Variants in PLCB1 observed in about 807,000 individuals in gnomAD.
PLCB1 encodes 1-phosphatidylinositol 4,5-bisphosphate phosphodiesterase beta-1.
PLCB1 carries 46 observed loss-of-function variants against 161.8 expected under a neutral mutation model. The observed-to-expected ratio is 0.28, with a 90% CI of 0.22 to 0.36. The LOEUF (loss-of-function observed/expected upper bound fraction) is 0.36. Among genes scored for constraint, PLCB1 ranks in the 10% least tolerant of loss-of-function variants. The pLI is 1.00. For missense variants in PLCB1, 1,016 were observed against 1,472.5 expected, an observed-to-expected ratio of 0.69 and a Z score of 5.07; for synonymous variants, 517 against 503.7, an observed-to-expected ratio of 1.03 and a Z score of -0.35.
At chr20:8,326,238 T>A (rs1229223757) in intron 2 of PLCB1, among the ~76,000 whole-genome samples, 1 of 152,212 alleles carries the variant, frequency 6.6e-6, no homozygotes, top group Non-Finnish European at 1.5e-5. Context: ...GGAAATTATA[T>A]AGTGATATAT....
At chr20:8,646,267 T>C (rs1460637621) in intron 5 of PLCB1, 86 bp downstream of exon 5, 3 of 885,292 alleles carry the variant, frequency 3.4e-6, no homozygotes. Context: ...GTTTATGCCA[T>C]ACTGACTTCT....
intron 9 of PLCB1, among the ~76,000 whole-genome samples, chr20:8,666,224 C>T (rs1989809454): frequency 6.6e-6 from 1 of 152,192 alleles, no homozygotes; most frequent in African/African-American, 2.4e-5. Context: ...TTCTTAGCTG[C>T]CTTTCCTTCT....
intron 2 of PLCB1, among the ~76,000 whole-genome samples, chr20:8,250,488 T>TA (rs1981082612): frequency 6.6e-6 from 1 of 151,928 alleles, no homozygotes; most frequent in African/African-American, 2.4e-5. Context: ...GGTTGGGAGT[T>TA]AGATACCCTT....
intron 26 of PLCB1, among the ~76,000 whole-genome samples, chr20:8,768,244 A>G (rs1982465578): frequency 6.6e-6 from 1 of 152,136 alleles, no homozygotes; most frequent in Non-Finnish European, 1.5e-5. Context: ...AGTCTAGGGG[A>G]AGAAACTTTT....
At chr20:8,348,169 G>C (rs967018158) in intron 2 of PLCB1, among the ~76,000 whole-genome samples, 2 of 152,152 alleles carry the variant, frequency 1.3e-5, no homozygotes, top group African/African-American at 4.8e-5. Flanking sequence ...TAGGAAGCAG[G>C]TCATAGGACA....
At chr20:8,547,414 G>C (rs760352457) in intron 3 of PLCB1, among the ~76,000 whole-genome samples, 25 of 152,108 alleles carry the variant, frequency 1.6e-4, no homozygotes, top group Non-Finnish European at 2.8e-4. Context: ...CTAGTCCTGC[G>C]TGGGGACATA....
At chr20:8,530,593 A>G (rs949070554) in intron 3 of PLCB1, among the ~76,000 whole-genome samples, 1 of 152,164 alleles carries the variant, frequency 6.6e-6, no homozygotes, top group Non-Finnish European at 1.5e-5. Flanking sequence ...TGATAAGATT[A>G]GCTTTATTAC....
intron 31 of PLCB1, among the ~76,000 whole-genome samples, chr20:8,809,370 T>G (rs56946058): frequency 0.095 from 14,487 of 152,118 alleles, 1,980 homozygotes; most frequent in African/African-American, 0.3. Flanking sequence ...TGGTGCTCTC[T>G]AGGTACTTTG....
chr20:8,233,558 A>G (rs1379014994), intron 2 of PLCB1, among the ~76,000 whole-genome samples: 1 of 152,152 alleles, frequency 6.6e-6, no homozygotes, highest in Non-Finnish European at 1.5e-5. Context: ...TTCTTGAAAT[A>G]TAAAATGCAG....
intron 14 of PLCB1, among the ~76,000 whole-genome samples, chr20:8,718,872 T>C (rs17446308): frequency 0.19 from 28,202 of 152,192 alleles, 2,700 homozygotes; most frequent in African/African-American, 0.2. Context: ...GATGATATGC[T>C]GAAGAGTTCT....
intron 1 of PLCB1, among the ~76,000 whole-genome samples, chr20:8,137,102 T>A (rs2051357393): frequency 6.6e-6 from 1 of 152,158 alleles, no homozygotes; most frequent in Non-Finnish European, 1.5e-5. Context: ...AGTAACTCCC[T>A]CCTTTACCAC....
intron 31 of PLCB1, among the ~76,000 whole-genome samples, chr20:8,837,040 G>A (rs1986313683): frequency 6.6e-6 from 1 of 152,144 alleles, no homozygotes; most frequent in East Asian, 1.9e-4. Context: ...TTGGAATGGA[G>A]ATCAGCTTCA....
chr20:8,564,944 C>T (rs1288710233), intron 3 of PLCB1, among the ~76,000 whole-genome samples: 1 of 152,168 alleles, frequency 6.6e-6, no homozygotes, highest in Non-Finnish European at 1.5e-5. Context: ...CCTCAAGGAT[C>T]TAGAACCAGA....
At chr20:8,395,758 G>A (rs1236718733) in intron 3 of PLCB1, among the ~76,000 whole-genome samples, 1 of 151,720 alleles carries the variant, frequency 6.6e-6, no homozygotes, top group Non-Finnish European at 1.5e-5. Flanking sequence ...TTTATTTGAA[G>A]GATACTGTAG....
chr20:8,685,083 G>A lies in PLCB1; in HGVS notation c.1009+5G>A. On this transcript the variant is annotated splice_donor_5th_base_variant and intron_variant, in intron 10 of 31. Coordinates refer to ENST00000338037, the MANE Select transcript of PLCB1 (RefSeq NM_015192.4). Reference sequence around the variant, plus strand: ...CGCACAACACCTACCTCACAGGTATGAATTTTCTAGTTCTTTGTTACTTTA... The same window carrying A: ...CGCACAACACCTACCTCACAGGTATAAATTTTCTAGTTCTTTGTTACTTTA... The A allele has an allele frequency of 1.2e-6, 2 of 1,612,514 alleles. No homozygotes were observed. The highest frequency in any genetic ancestry group is 1.7e-6 in the Non-Finnish European group (2 of 1,178,860).
chr20:8,208,344 T>C (rs1030421203), intron 2 of PLCB1, among the ~76,000 whole-genome samples: 52 of 152,232 alleles, frequency 3.4e-4, no homozygotes, highest in African/African-American at 1.2e-3. Context: ...TCTGAAAAGC[T>C]GGCTGCTTTT....
chr20:8,228,558 G>C (rs1979826441), intron 2 of PLCB1, among the ~76,000 whole-genome samples: 1 of 152,034 alleles, frequency 6.6e-6, no homozygotes, highest in African/African-American at 2.4e-5. Flanking sequence ...CTGGAGTGCA[G>C]TGGCATGATC....
chr20:8,223,406 C>T (rs959143721), intron 2 of PLCB1, among the ~76,000 whole-genome samples: 1 of 152,112 alleles, frequency 6.6e-6, no homozygotes, highest in Non-Finnish European at 1.5e-5. Flanking sequence ...AACAATCAAG[C>T]CTGAGGACTT....
chr20:8,659,474 A>T (rs1989562870), intron 9 of PLCB1, among the ~76,000 whole-genome samples: 1 of 152,162 alleles, frequency 6.6e-6, no homozygotes, highest in Non-Finnish European at 1.5e-5. Flanking sequence ...GTTATTGCAG[A>T]TTGCCTAGAT....
Sources: gnomAD v4.1 joint callset for allele counts (sites outside exome capture counted in the v4.1 genomes callset) on GRCh38, gnomAD v4.1.1 for gene constraint, MANE v1.5 for transcripts, NCBI Gene and HGNC (gene_info 2026-07-23, HGNC 2026-07-21) for gene names.